PTPRM: variants seen among roughly 807,000 people sequenced by gnomAD.
PTPRM encodes the protein protein tyrosine phosphatase receptor type M.
Under a neutral mutation model 186.7 loss-of-function variants are expected in PTPRM, and 47 were observed. The observed-to-expected ratio is 0.25, with a 90% CI of 0.20 to 0.32. PTPRM has a LOEUF of 0.32. Ranked by LOEUF, PTPRM falls within the 10% of genes least tolerant of loss-of-function variation. The pLI is 1.00. For missense variants in PTPRM, 1,494 were observed against 1,865.0 expected (o/e 0.80, Z 3.66); for synonymous variants, 668 against 674.9 (o/e 0.99, Z 0.16).
rs554381419 is a variant in PTPRM, at chr18:8,206,856, G to A, written c.2301-37202G>A. 9.2e-5 allele frequency among the ~76,000 whole-genome samples: 14 copies of A among 152,218 alleles called. No individual in the cohort carries two copies. In the South Asian group the frequency reaches 1.0e-3, roughly 11 times the overall value. On this transcript the variant is annotated intron_variant, in intron 14 of 32. Transcript: ENST00000580170. ...TCTGCTTCAAAAAAAAGGGGTTGGC[G>A]GGGTGGAAATTGAGACACAGGGAGA...
At chr18:7,790,119 T>C (rs1438363407) in intron 2 of PTPRM, among the ~76,000 whole-genome samples, 1 of 152,176 alleles carries the variant, frequency 6.6e-6, no homozygotes, top group Non-Finnish European at 1.5e-5. Context: ...TAAGATGCAG[T>C]GTCAGGTTTT....
intron 2 of PTPRM, among the ~76,000 whole-genome samples, chr18:7,820,314 G>T (rs939707450): frequency 6.6e-6 from 1 of 152,150 alleles, no homozygotes; most frequent in African/African-American, 2.4e-5. Flanking sequence ...GGCCTGCTCT[G>T]CTCAGAGGGT....
At chr18:7,690,312 T>C (rs547927361) in intron 1 of PTPRM, among the ~76,000 whole-genome samples, 12 of 152,260 alleles carry the variant, frequency 7.9e-5, no homozygotes, top group Non-Finnish European at 1.8e-4. Context: ...GGAATGGTTT[T>C]CTTAAAAGAA....
chr18:7,959,879 A>G (rs976156142), intron 7 of PTPRM, among the ~76,000 whole-genome samples: 2 of 152,216 alleles, frequency 1.3e-5, no homozygotes, highest in African/African-American at 4.8e-5. Flanking sequence ...TTGTTTTCCA[A>G]CTTTGCAGTT....
At chr18:7,891,875 A>G (rs2049101116) in intron 3 of PTPRM, among the ~76,000 whole-genome samples, 1 of 152,182 alleles carries the variant, frequency 6.6e-6, no homozygotes, top group African/African-American at 2.4e-5. Context: ...ACCCTGTCTC[A>G]AAAAAGGAAA....
At chr18:8,215,092 C>T (rs1329427818) in intron 14 of PTPRM, among the ~76,000 whole-genome samples, 1 of 152,118 alleles carries the variant, frequency 6.6e-6, no homozygotes. Context: ...TCCCTACATC[C>T]AGAACTGGGT....
chr18:7,604,773 T>C (rs1202437268), intron 1 of PTPRM, among the ~76,000 whole-genome samples: 4 of 152,212 alleles, frequency 2.6e-5, no homozygotes, highest in Admixed American at 6.5e-5. Flanking sequence ...CCTGGTGCCA[T>C]ACTTCCTCAG....
intron 7 of PTPRM, among the ~76,000 whole-genome samples, chr18:8,050,926 G>T (rs1230587675): frequency 2.6e-5 from 4 of 152,106 alleles, no homozygotes; most frequent in African/African-American, 9.7e-5. Flanking sequence ...GTTTGGGTGA[G>T]GGGAGGGGGA....
At chr18:8,161,983 T>C (rs1476378554) in intron 14 of PTPRM, among the ~76,000 whole-genome samples, 4 of 152,212 alleles carry the variant, frequency 2.6e-5, no homozygotes, top group African/African-American at 9.7e-5. Flanking sequence ...TGTTGACTCC[T>C]GTTATTTCTT....
At chr18:7,813,021 A>G (rs1568166104) in intron 2 of PTPRM, among the ~76,000 whole-genome samples, 3 of 152,220 alleles carry the variant, frequency 2.0e-5, no homozygotes, top group South Asian at 4.1e-4. Context: ...ACCTAGCTCT[A>G]TGAGACATCA....
chr18:7,644,500 C>T (rs1174162419), intron 1 of PTPRM, among the ~76,000 whole-genome samples: 1 of 152,064 alleles, frequency 6.6e-6, no homozygotes, highest in Non-Finnish European at 1.5e-5. Context: ...GTATATATCT[C>T]AACTGTCTTT....
At chr18:7,817,892 A>G (rs1036719250) in intron 2 of PTPRM, among the ~76,000 whole-genome samples, 1 of 152,160 alleles carries the variant, frequency 6.6e-6, no homozygotes, top group African/African-American at 2.4e-5. Flanking sequence ...GAAGGGAATG[A>G]GGCTACAGAC....
At chr18:8,269,151 T>A (rs573230924) in intron 19 of PTPRM, among the ~76,000 whole-genome samples, 1 of 152,018 alleles carries the variant, frequency 6.6e-6, no homozygotes, top group African/African-American at 2.4e-5. Context: ...CATGATCTTA[T>A]ATATAGAAAT....
chr18:8,239,260 C>G (rs76164545), intron 14 of PTPRM, among the ~76,000 whole-genome samples: 3,931 of 148,394 alleles, frequency 0.026, 73 homozygotes, highest in East Asian at 0.056. Flanking sequence ...GTTTTTTGTT[C>G]TTGCGATAGT....
chr18:8,175,021 T>C (rs1241878473), intron 14 of PTPRM, among the ~76,000 whole-genome samples: 1 of 152,246 alleles, frequency 6.6e-6, no homozygotes, highest in Non-Finnish European at 1.5e-5. Flanking sequence ...ACTGTTTACA[T>C]GCTAATGCCC....
intron 7 of PTPRM, among the ~76,000 whole-genome samples, chr18:8,005,109 A>T (rs982975854): frequency 2.0e-5 from 3 of 152,238 alleles, no homozygotes; most frequent in African/African-American, 7.2e-5. Flanking sequence ...TTATTTAAAG[A>T]ATGGTCCTTT....
intron 1 of PTPRM, among the ~76,000 whole-genome samples, chr18:7,690,071 C>G (rs2039700216): frequency 6.6e-6 from 1 of 152,174 alleles, no homozygotes; most frequent in Non-Finnish European, 1.5e-5. Flanking sequence ...ACCATAAAGA[C>G]CTTTTAATAA....
At chr18:8,381,392 T>C (rs570600130) in intron 29 of PTPRM, among the ~76,000 whole-genome samples, 1 of 151,478 alleles carries the variant, frequency 6.6e-6, no homozygotes, top group African/African-American at 2.4e-5. Context: ...CTGAAGCATT[T>C]CGGCATCCCA....
At chr18:8,315,672 T>C (rs182389158) in intron 21 of PTPRM, among the ~76,000 whole-genome samples, 44 of 152,328 alleles carry the variant, frequency 2.9e-4, no homozygotes, top group African/African-American at 1.0e-3. Context: ...AGTACTTCCA[T>C]AGACAGGATT....
Sources: allele counts gnomAD v4.1 joint callset (sites outside exome capture counted in the v4.1 genomes callset), GRCh38; gene constraint gnomAD v4.1.1; transcripts MANE v1.5; gene names NCBI Gene and HGNC (gene_info 2026-07-23, HGNC 2026-07-21).